Variants in MZT2B observed in about 807,000 individuals in gnomAD.
The protein encoded by MZT2B is mitotic spindle organizing protein 2B.
MZT2B carries 11 observed loss-of-function variants against 12.1 expected under a neutral mutation model. The ratio of observed to expected loss-of-function variants is 0.91; its 90% CI spans 0.57 to 1.50. MZT2B has a LOEUF of 1.50. MZT2B is among the 40% of genes most tolerant of loss of function. The pLI, the probability that MZT2B is intolerant of heterozygous loss-of-function variation, is 0.00. For missense variants in MZT2B, 209 were observed against 227.7 expected (o/e 0.92, Z 0.53); for synonymous variants, 85 against 109.5 (o/e 0.78, Z 1.40).
At chr2:130,187,858 AG>A (rs1342452280) in intron 2 of MZT2B, among the ~76,000 whole-genome samples, 4 of 152,120 alleles carry the variant, frequency 2.6e-5, no homozygotes, top group African/African-American at 9.7e-5. Flanking sequence ...TCACATTTCC[AG>A]GGTTTGTCAA....
chr2:130,192,431 T>A (rs200231077), downstream of MZT2B, among the ~76,000 whole-genome samples: 75 of 152,322 alleles, frequency 4.9e-4, 2 homozygotes, highest in East Asian at 0.014. Context: ...AAATGTATGC[T>A]GCTTGTCTTC....
chr2:130,182,968 G>A lies in MZT2B; in HGVS notation c.319+193G>A, dbSNP rs1452557477. 8.3e-6 allele frequency: 7 copies of A among 843,114 alleles called. No individual in the cohort carries two copies. In the African/African-American group the frequency reaches 1.2e-4, roughly 15 times the overall value. 52.2% of individuals were successfully genotyped at this position (843,114 alleles called of 1,614,324 possible). On this transcript the variant is annotated intron_variant, in intron 2 of 2. Coordinates refer to ENST00000281871, the MANE Select transcript of MZT2B (RefSeq NM_025029.5). ...AGCCTTAGGAGGCACGTCCAGGTCA[G>A]GTGGACGCAGAGTGCGTACCCCAGG...
chr2:130,198,968 C>T, the MZT2B span, among the ~76,000 whole-genome samples: 3 of 124,086 alleles, frequency 2.4e-5, 1 homozygote, highest in East Asian at 2.6e-4. Context: ...CCCAGCACTT[C>T]GGGAGGCCGA....
At chr2:130,193,563 C>T (rs552995615), downstream of MZT2B, among the ~76,000 whole-genome samples, 8 of 148,188 alleles carry the variant, frequency 5.4e-5, no homozygotes, top group South Asian at 4.3e-4. Flanking sequence ...TAGCTGAGAT[C>T]GCACCACTGC....
intron 2 of MZT2B, chr2:130,183,633 G>A (rs1689908184): frequency 7.7e-7 from 1 of 1,302,510 alleles, no homozygotes; most frequent in Middle Eastern, 1.8e-4. Flanking sequence ...CAGGCATCCT[G>A]AGAAGGCGTG....
the MZT2B span, chr2:130,202,419 G>C: frequency 1.5e-6 from 2 of 1,290,588 alleles, no homozygotes. Context: ...GGTGTGGCAG[G>C]AGAAGGAGGA....
At chr2:130,182,239 G>A (rs1689723504), upstream of MZT2B, 36 of 1,234,814 alleles carry the variant, frequency 2.9e-5, no homozygotes, top group Non-Finnish European at 3.6e-5. Context: ...GCAGCCGCTA[G>A]GGGGCGCGGC....
At chr2:130,193,978 C>G (rs747203330), downstream of MZT2B, 7 of 1,614,196 alleles carry the variant, frequency 4.3e-6, no homozygotes, top group South Asian at 1.1e-5. Context: ...TGATCTCGGC[C>G]ACAGACAGCT....
At chr2:130,201,756 G>A in the MZT2B span, among the ~76,000 whole-genome samples, 30 of 152,306 alleles carry the variant, frequency 2.0e-4, no homozygotes, top group East Asian at 5.4e-3. Flanking sequence ...TTTCGTTGAC[G>A]TGAGAACATC....
chr2:130,188,765 A>T (rs1455871504), intron 2 of MZT2B, among the ~76,000 whole-genome samples: 1 of 152,124 alleles, frequency 6.6e-6, no homozygotes, highest in Non-Finnish European at 1.5e-5. Context: ...ATTTTCTGGT[A>T]TTAGCATAGA....
chr2:130,181,786 C>A, upstream of MZT2B: 1 of 1,547,014 alleles, frequency 6.5e-7, no homozygotes, highest in Admixed American at 2.0e-5. Context: ...TGGCGGCCTC[C>A]GGCGCCCCAA....
chr2:130,200,777 CA>C, the MZT2B span, among the ~76,000 whole-genome samples: 1 of 151,972 alleles, frequency 6.6e-6, no homozygotes, highest in Non-Finnish European at 1.5e-5. Context: ...TATTTTTTGA[CA>C]CTGGTTCTCA....
At chr2:130,188,966 G>C (rs1317506316) in intron 2 of MZT2B, among the ~76,000 whole-genome samples, 1 of 152,126 alleles carries the variant, frequency 6.6e-6, no homozygotes, top group Non-Finnish European at 1.5e-5. Flanking sequence ...TAAGAGGCCA[G>C]GGAAGGACCA....
At chr2:130,201,620 T>C in the MZT2B span, among the ~76,000 whole-genome samples, 3 of 152,178 alleles carry the variant, frequency 2.0e-5, no homozygotes, top group Non-Finnish European at 4.4e-5. Flanking sequence ...ATAGCCCCCC[T>C]TCCTCAGGGC....
downstream of MZT2B, chr2:130,195,242 G>T: frequency 1.2e-6 from 2 of 1,613,208 alleles, no homozygotes; most frequent in South Asian, 2.2e-5. Flanking sequence ...AAAAGAGACA[G>T]TGTGTACTGT....
upstream of MZT2B, chr2:130,181,882 A>G (rs1689686535): frequency 6.6e-7 from 1 of 1,513,564 alleles, no homozygotes; most frequent in East Asian, 2.6e-5. Flanking sequence ...CCGCCCCGAA[A>G]AGCGACCCCT....
chr2:130,194,074 C>T, downstream of MZT2B: 1 of 1,614,166 alleles, frequency 6.2e-7, no homozygotes, highest in Non-Finnish European at 8.5e-7. Flanking sequence ...CGAGGTTGGT[C>T]TGGAATTCCG....
chr2:130,185,010 C>G (rs1342317234), intron 2 of MZT2B: 2 of 538,344 alleles, frequency 3.7e-6, no homozygotes, highest in Non-Finnish European at 4.7e-6. Flanking sequence ...ACAAAAAATA[C>G]AAAAACTAGC....
chr2:130,196,141 G>T, the MZT2B span: 1 of 1,609,166 alleles, frequency 6.2e-7, no homozygotes, highest in Non-Finnish European at 8.5e-7. Context: ...CAGTGCCCAG[G>T]CACCTACCGA....
Sources: gnomAD v4.1 joint callset for allele counts (sites outside exome capture counted in the v4.1 genomes callset) on GRCh38, gnomAD v4.1.1 for gene constraint, MANE v1.5 for transcripts, NCBI Gene and HGNC (gene_info 2026-07-23, HGNC 2026-07-21) for gene names.